The following SAMD12 variants were observed in gnomAD, a reference collection of about 807,000 sequenced individuals.
SAMD12 encodes sterile alpha motif domain-containing protein 12.
SAMD12 carries 9 observed loss-of-function variants against 15.0 expected under a neutral mutation model. That is an observed-to-expected ratio of 0.60 (90% CI 0.36 to 1.05). SAMD12 has a LOEUF of 1.05. SAMD12 is among the 50% of genes least tolerant of loss of function. The probability of loss-of-function intolerance (pLI) is 0.01; values close to 1 mark genes in which losing one functional copy is unlikely to be tolerated. For synonymous variants in SAMD12, 86 were observed against 90.1 expected (o/e 0.96, Z 0.25); for missense variants, 230 against 234.2 (o/e 0.98, Z 0.12).
chr8:118,379,852 C>G, intron 3 of SAMD12, 152 bp from the exon 4 acceptor site: 1 of 992,212 alleles, frequency 1.0e-6, no homozygotes, highest in Non-Finnish European at 1.4e-6. Flanking sequence ...ATTGCTGACA[C>G]AAATGGATTA....
the SAMD12 span, among the ~76,000 whole-genome samples, chr8:118,145,737 G>A: frequency 6.6e-6 from 1 of 152,202 alleles, no homozygotes; most frequent in East Asian, 1.9e-4. Context: ...GGCAGGATGA[G>A]GAAGAGAGAG....
At chr8:118,374,047 C>T (rs186316080), downstream of SAMD12, among the ~76,000 whole-genome samples, 14 of 152,054 alleles carry the variant, frequency 9.2e-5, no homozygotes, top group African/African-American at 1.7e-4. Context: ...CATTTTTAAG[C>T]GCACAGTTCA....
the SAMD12 span, among the ~76,000 whole-genome samples, chr8:118,158,729 C>T: frequency 6.6e-6 from 1 of 152,166 alleles, no homozygotes; most frequent in African/African-American, 2.4e-5. Flanking sequence ...GACCAATCAG[C>T]ATGCACTTCC....
At chr8:118,172,977 G>A in the SAMD12 span, among the ~76,000 whole-genome samples, 1 of 152,130 alleles carries the variant, frequency 6.6e-6, no homozygotes, top group South Asian at 2.1e-4. Flanking sequence ...TTGTCCTCGT[G>A]CTGGTGGAAT....
chr8:118,437,988 A>C (rs939354675), intron 3 of SAMD12, among the ~76,000 whole-genome samples: 5 of 152,212 alleles, frequency 3.3e-5, no homozygotes, highest in Admixed American at 2.6e-4. Context: ...ACAGGCATTA[A>C]AAAACATTAA....
At chr8:118,571,122 G>T (rs2131234948) in intron 2 of SAMD12, among the ~76,000 whole-genome samples, 1 of 152,220 alleles carries the variant, frequency 6.6e-6, no homozygotes. Context: ...CAATAAATTG[G>T]TACTAGGAGT....
intron 2 of SAMD12, among the ~76,000 whole-genome samples, chr8:118,499,625 G>T (rs2515027): frequency 0.58 from 88,760 of 152,006 alleles, 26,055 homozygotes; most frequent in East Asian, 0.72. Context: ...AGTTTCATAT[G>T]TCTATGTGTT....
At chr8:118,417,600 A>C (rs1297147727) in intron 3 of SAMD12, among the ~76,000 whole-genome samples, 1 of 152,254 alleles carries the variant, frequency 6.6e-6, no homozygotes, top group Non-Finnish European at 1.5e-5. Context: ...GCTAATCAGT[A>C]AATAATTAAA....
rs1306871128 is a variant in SAMD12, at chr8:118,352,585, A to G, written c.433+26975T>C. Among the ~76,000 whole-genome samples the G allele has an allele frequency of 2.6e-5, 4 of 152,224 alleles. No homozygotes were observed. In the East Asian group the frequency reaches 7.7e-4, roughly 29 times the overall value. On this transcript the variant is annotated intron_variant, in intron 4 of 4. Transcript: ENST00000409003. ...AAGTGTCACCAAAGATTCATATTTA[A>G]CAGAGACCAAATGTAACAGACAATG...
At chr8:118,281,298 T>G (rs1813637173) in intron 4 of SAMD12, among the ~76,000 whole-genome samples, 1 of 152,156 alleles carries the variant, frequency 6.6e-6, no homozygotes, top group African/African-American at 2.4e-5. Context: ...CCCAGCGCTC[T>G]TTGAAATTGT....
At chr8:118,173,552 T>TCA in the SAMD12 span, among the ~76,000 whole-genome samples, 1 of 147,600 alleles carries the variant, frequency 6.8e-6, no homozygotes, top group African/African-American at 2.5e-5. Context: ...TATCTAATAT[T>TCA]TATATATATA....
chr8:118,383,472 G>C (rs895565954), intron 3 of SAMD12, among the ~76,000 whole-genome samples: 1 of 151,982 alleles, frequency 6.6e-6, no homozygotes, highest in African/African-American at 2.4e-5. Flanking sequence ...TTTTAAAGTT[G>C]CCACATGAAT....
intron 2 of SAMD12, among the ~76,000 whole-genome samples, chr8:118,488,003 G>C (rs972410920): frequency 3.3e-5 from 5 of 152,060 alleles, no homozygotes; most frequent in African/African-American, 1.2e-4. Context: ...TACAGCTAGT[G>C]AATCTAAATG....
exon 5 of SAMD12, chr8:118,196,541 G>C (rs1171209235): frequency 6.6e-6 from 1 of 152,070 alleles, no homozygotes; most frequent in African/African-American, 2.4e-5. Context: ...TCCCAGAAAG[G>C]ATTAACAAGG....
At chr8:118,586,406 G>C (rs1347327495) in intron 1 of SAMD12, among the ~76,000 whole-genome samples, 1 of 147,926 alleles carries the variant, frequency 6.8e-6, no homozygotes, top group Non-Finnish European at 1.5e-5. Context: ...GCAGTGGTGT[G>C]ATCATGGCTC....
chr8:118,293,141 A>G (rs1814510279), intron 4 of SAMD12, among the ~76,000 whole-genome samples: 5 of 152,210 alleles, frequency 3.3e-5, no homozygotes, highest in Admixed American at 3.3e-4. Context: ...AAGCTCAGAA[A>G]CATTAAGCAA....
intron 1 of SAMD12, among the ~76,000 whole-genome samples, chr8:118,599,115 T>C (rs893339755): frequency 3.3e-5 from 5 of 152,174 alleles, no homozygotes; most frequent in African/African-American, 1.2e-4. Context: ...GAATGAGGTA[T>C]ACACAGAGCT....
intron 4 of SAMD12, among the ~76,000 whole-genome samples, chr8:118,228,819 G>C (rs1021938705): frequency 6.6e-6 from 1 of 152,098 alleles, no homozygotes; most frequent in Non-Finnish European, 1.5e-5. Flanking sequence ...GTCATTATTC[G>C]AAAAAGATAC....
intron 2 of SAMD12, among the ~76,000 whole-genome samples, chr8:118,443,413 G>A (rs1004299041): frequency 6.6e-6 from 1 of 152,022 alleles, no homozygotes; most frequent in African/African-American, 2.4e-5. Flanking sequence ...AGCAGAGATC[G>A]TGCCATTGTA....
Sources: gnomAD v4.1 joint callset for allele counts (sites outside exome capture counted in the v4.1 genomes callset) on GRCh38, gnomAD v4.1.1 for gene constraint, MANE v1.5 for transcripts, NCBI Gene and HGNC (gene_info 2026-07-23, HGNC 2026-07-21) for gene names.